The following MECOM variants were observed in gnomAD, a reference collection of about 807,000 sequenced individuals.
MECOM encodes MDS1 and EVI1 complex locus, also known as histone-lysine N-methyltransferase MECOM.
In MECOM, 13 loss-of-function variants were observed where a neutral mutation model predicts 116.3. That is an observed-to-expected ratio of 0.11 (90% CI 0.07 to 0.18). MECOM has a LOEUF of 0.18. Among genes scored for constraint, MECOM ranks in the 10% least tolerant of loss-of-function variants. The pLI is 1.00. For synonymous variants in MECOM, 528 were observed against 535.2 expected, an observed-to-expected ratio of 0.99 and a Z score of 0.19; for missense variants, 1,299 against 1,509.0, an observed-to-expected ratio of 0.86 and a Z score of 2.31.
chr3:169,580,079 G>A (rs1764943524), intron 1 of MECOM, among the ~76,000 whole-genome samples: 1 of 152,170 alleles, frequency 6.6e-6, no homozygotes, highest in Non-Finnish European at 1.5e-5. Flanking sequence ...CCATTTTACA[G>A]GAAATAGCTG....
At chr3:169,480,897 G>A (rs531986806) in intron 1 of MECOM, among the ~76,000 whole-genome samples, 3 of 148,926 alleles carry the variant, frequency 2.0e-5, no homozygotes, top group South Asian at 4.2e-4. Flanking sequence ...TTCTTGGGGC[G>A]GGGGGGCTTG....
intron 2 of MECOM, among the ~76,000 whole-genome samples, chr3:169,315,453 C>T (rs1184038076): frequency 6.6e-6 from 1 of 152,140 alleles, no homozygotes; most frequent in Admixed American, 6.5e-5. Context: ...AGATGTTTGG[C>T]CTCCTTCTTT....
intron 1 of MECOM, among the ~76,000 whole-genome samples, chr3:169,426,292 G>T (rs1457555854): frequency 6.6e-6 from 1 of 152,160 alleles, no homozygotes; most frequent in African/African-American, 2.4e-5. Context: ...CAATGATTCT[G>T]TCAGGTAAGT....
At chr3:169,133,315 T>G (rs767809787) in intron 3 of MECOM, 1 of 152,192 alleles carries the variant, frequency 6.6e-6, no homozygotes, top group Non-Finnish European at 1.5e-5. Context: ...TATTTATCTA[T>G]TTATATTTTG....
At chr3:169,472,484 AAAGGAAAGGAAAGGAAAG>A in intron 1 of MECOM, among the ~76,000 whole-genome samples, 1 of 57,830 alleles carries the variant, frequency 1.7e-5, no homozygotes, top group Admixed American at 1.5e-4. Flanking sequence ...AAAGGAAAGG[AAAGGAAAGGAAAGGAAAG>A]GAAAGGAAAG....
At chr3:169,447,116 G>T (rs147874401) in intron 1 of MECOM, among the ~76,000 whole-genome samples, 1 of 152,014 alleles carries the variant, frequency 6.6e-6, no homozygotes, top group African/African-American at 2.4e-5. Flanking sequence ...AGTTCAAGTC[G>T]TCCTCATCCT....
chr3:169,090,734 A>G (rs1719447998), intron 14 of MECOM, among the ~76,000 whole-genome samples: 1 of 151,978 alleles, frequency 6.6e-6, no homozygotes, highest in African/African-American at 2.4e-5. Flanking sequence ...ACTGGTATTT[A>G]CTGATACTAG....
At chr3:169,090,851 G>A (rs1321983518) in intron 14 of MECOM, among the ~76,000 whole-genome samples, 2 of 151,908 alleles carry the variant, frequency 1.3e-5, no homozygotes, top group African/African-American at 4.8e-5. Flanking sequence ...GTCTGAATGT[G>A]AAATAGTTCC....
At chr3:169,662,471 T>C (rs1776416513) in intron 1 of MECOM, among the ~76,000 whole-genome samples, 1 of 151,934 alleles carries the variant, frequency 6.6e-6, no homozygotes, top group African/African-American at 2.4e-5. Flanking sequence ...CTCCGAGCGC[T>C]CGCTGGGCCT....
intron 1 of MECOM, among the ~76,000 whole-genome samples, chr3:169,420,167 T>C (rs1375094333): frequency 2.0e-5 from 3 of 152,164 alleles, no homozygotes; most frequent in African/African-American, 7.2e-5. Context: ...GGTGGGAGTG[T>C]AAATTAGTTC....
At chr3:169,176,658 A>G (rs956876107) in intron 2 of MECOM, among the ~76,000 whole-genome samples, 1 of 152,198 alleles carries the variant, frequency 6.6e-6, no homozygotes, top group African/African-American at 2.4e-5. Flanking sequence ...AGCAAAAGAA[A>G]CTATCATCAG....
At chr3:169,361,521 A>G (rs1315816326) in intron 2 of MECOM, among the ~76,000 whole-genome samples, 1 of 151,874 alleles carries the variant, frequency 6.6e-6, no homozygotes, top group Non-Finnish European at 1.5e-5. Flanking sequence ...TGCTCACTAC[A>G]GTTTACCAAG....
At chr3:169,592,614 C>G (rs1766562139) in intron 1 of MECOM, among the ~76,000 whole-genome samples, 1 of 152,158 alleles carries the variant, frequency 6.6e-6, no homozygotes, top group African/African-American at 2.4e-5. Context: ...TTCTCTCTGC[C>G]CTGAAATTCT....
chr3:169,624,144 C>T (rs779783524), intron 1 of MECOM, among the ~76,000 whole-genome samples: 20 of 152,262 alleles, frequency 1.3e-4, no homozygotes, highest in African/African-American at 1.7e-4. Context: ...GAGATGAAGG[C>T]GCAGGGGCCT....
intron 2 of MECOM, among the ~76,000 whole-genome samples, chr3:169,329,869 A>C (rs1392558296): frequency 2.0e-5 from 3 of 152,240 alleles, no homozygotes; most frequent in African/African-American, 7.2e-5. Flanking sequence ...TCGACCTATA[A>C]GAACCAAGTG....
chr3:169,637,673 C>T (rs1772985102), intron 1 of MECOM, among the ~76,000 whole-genome samples: 1 of 152,186 alleles, frequency 6.6e-6, no homozygotes, highest in Non-Finnish European at 1.5e-5. Flanking sequence ...AGTGGAATTT[C>T]AACTAATCAC....
intron 2 of MECOM, among the ~76,000 whole-genome samples, chr3:169,360,805 G>A (rs575968559): frequency 1.1e-3 from 165 of 151,834 alleles, no homozygotes; most frequent in African/African-American, 4.0e-3. Context: ...GATGCCTTGG[G>A]AAGATACTTG....
At chr3:169,314,686 G>A (rs1051551343) in intron 2 of MECOM, among the ~76,000 whole-genome samples, 1 of 151,966 alleles carries the variant, frequency 6.6e-6, no homozygotes, top group Non-Finnish European at 1.5e-5. Context: ...AGAGACAGAA[G>A]GGGAACTAGG....
intron 2 of MECOM, among the ~76,000 whole-genome samples, chr3:169,188,394 A>G (rs1355505600): frequency 1.3e-5 from 2 of 152,110 alleles, no homozygotes; most frequent in African/African-American, 4.8e-5. Context: ...TCTTCGAATG[A>G]GAAGATGGAG....
Sources: gnomAD v4.1 joint callset for allele counts (sites outside exome capture counted in the v4.1 genomes callset) on GRCh38, gnomAD v4.1.1 for gene constraint, MANE v1.5 for transcripts, NCBI Gene and HGNC (gene_info 2026-07-23, HGNC 2026-07-21) for gene names.